PDE4D: variants seen among roughly 807,000 people sequenced by gnomAD.
PDE4D encodes the protein phosphodiesterase 4D, also known as 3',5'-cyclic-AMP phosphodiesterase 4D.
In PDE4D, 24 loss-of-function variants were observed where a neutral mutation model predicts 87.4. The observed-to-expected ratio is 0.27, with a 90% CI of 0.20 to 0.39. The LOEUF is 0.39. Ranked by LOEUF, PDE4D falls within the 10% of genes least tolerant of loss-of-function variation. PDE4D has a pLI of 1.00. For missense variants in PDE4D, 714 were observed against 1,041.0 expected (o/e 0.69, Z 4.32); for synonymous variants, 384 against 383.2 (o/e 1.00, Z -0.02).
At chr5:60,056,197 G>T (rs1262150304) in intron 2 of PDE4D, among the ~76,000 whole-genome samples, 2 of 151,810 alleles carry the variant, frequency 1.3e-5, no homozygotes. Flanking sequence ...TAAGATATTG[G>T]GTCTCCCTTG....
intron 1 of PDE4D, among the ~76,000 whole-genome samples, chr5:59,319,267 T>C (rs542791864): frequency 6.6e-6 from 1 of 152,058 alleles, no homozygotes; most frequent in South Asian, 2.1e-4. Context: ...CAAAATAAAA[T>C]AGTTTGAGGT....
chr5:60,016,250 T>C (rs955706713), intron 2 of PDE4D, among the ~76,000 whole-genome samples: 1 of 152,172 alleles, frequency 6.6e-6, no homozygotes, highest in African/African-American at 2.4e-5. Context: ...TGTAATGGCA[T>C]TGTAACTAAA....
At chr5:59,497,493 C>T (rs545535847) in intron 1 of PDE4D, among the ~76,000 whole-genome samples, 4 of 151,910 alleles carry the variant, frequency 2.6e-5, no homozygotes, top group East Asian at 3.9e-4. Context: ...AAGAAAGAAC[C>T]AAACACAACT....
chr5:59,427,665 C>A (rs1390882486), intron 1 of PDE4D, among the ~76,000 whole-genome samples: 1 of 151,938 alleles, frequency 6.6e-6, no homozygotes, highest in Non-Finnish European at 1.5e-5. Flanking sequence ...AAGACCCAGT[C>A]TCTCTAAAAA....
chr5:59,445,768 C>A (rs182443935), intron 1 of PDE4D, among the ~76,000 whole-genome samples: 2 of 152,082 alleles, frequency 1.3e-5, no homozygotes, highest in East Asian at 3.9e-4. Context: ...TATTTACCTA[C>A]CTATATGGGG....
At chr5:60,082,176 T>G (rs1312780547) in intron 2 of PDE4D, among the ~76,000 whole-genome samples, 1 of 152,166 alleles carries the variant, frequency 6.6e-6, no homozygotes, top group Non-Finnish European at 1.5e-5. Flanking sequence ...AATTCTAACC[T>G]CTAGTGTGAT....
chr5:59,278,814 C>T (rs1765299289), intron 1 of PDE4D, among the ~76,000 whole-genome samples: 1 of 151,896 alleles, frequency 6.6e-6, no homozygotes, highest in Admixed American at 6.6e-5. Flanking sequence ...TGTCTCATAC[C>T]ACTAATGGTG....
intron 2 of PDE4D, among the ~76,000 whole-genome samples, chr5:60,109,184 T>G (rs1304324544): frequency 6.6e-6 from 1 of 151,602 alleles, no homozygotes; most frequent in Non-Finnish European, 1.5e-5. Context: ...AACAACCCCA[T>G]CAAAAAGTGG....
chr5:59,637,749 C>A (rs968157440), intron 1 of PDE4D, among the ~76,000 whole-genome samples: 1 of 151,512 alleles, frequency 6.6e-6, no homozygotes, highest in African/African-American at 2.4e-5. Context: ...TGGGGCCTGT[C>A]GGGGGGTTGG....
chr5:59,116,472 G>A (rs1773632286), intron 5 of PDE4D, among the ~76,000 whole-genome samples: 1 of 152,096 alleles, frequency 6.6e-6, no homozygotes, highest in Non-Finnish European at 1.5e-5. Context: ...GAGCATCGAG[G>A]TACACGTATA....
chr5:59,115,214 T>C (rs1773393104), intron 5 of PDE4D, among the ~76,000 whole-genome samples: 1 of 152,140 alleles, frequency 6.6e-6, no homozygotes, highest in South Asian at 2.1e-4. Context: ...CAAAATATAA[T>C]TTTGTATTTT....
chr5:59,185,678 CATA>C (rs1178041142), intron 3 of PDE4D, among the ~76,000 whole-genome samples: 1 of 152,182 alleles, frequency 6.6e-6, no homozygotes, highest in Admixed American at 6.5e-5. Flanking sequence ...TGAAGAATCT[CATA>C]ATAATAAGTT....
chr5:60,233,137 T>C (rs1252898011), intron 1 of PDE4D, among the ~76,000 whole-genome samples: 3 of 151,524 alleles, frequency 2.0e-5, no homozygotes, highest in African/African-American at 7.3e-5. Context: ...ATATCAGATA[T>C]AACTATACAG....
intron 1 of PDE4D, among the ~76,000 whole-genome samples, chr5:60,288,636 AG>A (rs1461195270): frequency 3.9e-5 from 6 of 152,240 alleles, no homozygotes; most frequent in African/African-American, 1.4e-4. Context: ...TTTATTTCAC[AG>A]ACAACTCTCA....
At chr5:59,727,341 T>A (rs914056386) in intron 1 of PDE4D, among the ~76,000 whole-genome samples, 6 of 152,148 alleles carry the variant, frequency 3.9e-5, no homozygotes, top group Admixed American at 3.3e-4. Flanking sequence ...TATGTTGATT[T>A]CTTAAAATCA....
intron 1 of PDE4D, among the ~76,000 whole-genome samples, chr5:60,286,980 T>C (rs1446482617): frequency 6.6e-6 from 1 of 152,218 alleles, no homozygotes; most frequent in Non-Finnish European, 1.5e-5. Flanking sequence ...AACACAGTAT[T>C]AACTACTGTT....
intron 1 of PDE4D, among the ~76,000 whole-genome samples, chr5:60,431,915 A>G (rs1744355557): frequency 2.0e-5 from 3 of 152,240 alleles, no homozygotes; most frequent in Admixed American, 2.0e-4. Context: ...CACCAAAAAA[A>G]TACGAAAACC....
chr5:60,200,838 T>C (rs1260366760), intron 1 of PDE4D, among the ~76,000 whole-genome samples: 1 of 152,170 alleles, frequency 6.6e-6, no homozygotes, highest in Non-Finnish European at 1.5e-5. Context: ...CCTATTAATA[T>C]AACTCATTAA....
At chr5:60,514,455 C>A (rs1750705721) in intron 1 of PDE4D, among the ~76,000 whole-genome samples, 2 of 152,048 alleles carry the variant, frequency 1.3e-5, no homozygotes, top group East Asian at 1.9e-4. Context: ...ATGTTAACCA[C>A]CTGAATCCAG....
Sources: allele counts gnomAD v4.1 joint callset (sites outside exome capture counted in the v4.1 genomes callset), GRCh38; gene constraint gnomAD v4.1.1; transcripts MANE v1.5; gene names NCBI Gene and HGNC (gene_info 2026-07-23, HGNC 2026-07-21).